Variants in SDK1 observed in about 807,000 individuals in gnomAD.
The protein encoded by SDK1 is sidekick cell adhesion molecule 1, also known as protein sidekick-1.
A neutral mutation model predicts 245.5 loss-of-function variants in SDK1; 157 were observed. That is an observed-to-expected ratio of 0.64 (90% CI 0.56 to 0.73). The LOEUF (loss-of-function observed/expected upper bound fraction) is 0.73. SDK1 is among the 30% of genes least tolerant of loss of function. The pLI, the probability that SDK1 is intolerant of heterozygous loss-of-function variation, is 0.00. For synonymous variants in SDK1, 1,647 were observed against 1,278.5 expected (o/e 1.29, Z -6.15); for missense variants, 3,583 against 3,002.3 (o/e 1.19, Z -4.52).
intron 9 of SDK1, among the ~76,000 whole-genome samples, chr7:3,964,300 G>A (rs575833095): frequency 6.6e-6 from 1 of 152,254 alleles, no homozygotes; most frequent in East Asian, 1.9e-4. Context: ...TCACTCCCCG[G>A]CCCTAGTACC....
chr7:3,749,157 G>A lies in SDK1; in HGVS notation c.714-72293G>A, dbSNP rs924737514. 6.6e-5 allele frequency among the ~76,000 whole-genome samples: 10 copies of A among 151,766 alleles called. No homozygotes were observed. In the South Asian group the frequency reaches 2.1e-3, roughly 32 times the overall value. On this transcript the variant is annotated intron_variant, in intron 4 of 44. Transcript: ENST00000404826. ...ATCACCTCTTTTTTTTTTCTTTTGA[G>A]AGGGAGTCTCGCTCTGTCACCTAGG...
intron 17 of SDK1, among the ~76,000 whole-genome samples, chr7:4,023,402 G>T (rs569210701): frequency 1.3e-5 from 2 of 152,194 alleles, no homozygotes; most frequent in African/African-American, 4.8e-5. Context: ...TTTCTGAGGG[G>T]TGAGAGGAAA....
At chr7:3,989,745 C>A (rs1394320031) in intron 14 of SDK1, among the ~76,000 whole-genome samples, 1 of 152,168 alleles carries the variant, frequency 6.6e-6, no homozygotes, top group African/African-American at 2.4e-5. Context: ...TGTACACGCC[C>A]CCAGCAATTA....
intron 17 of SDK1, among the ~76,000 whole-genome samples, chr7:4,019,350 T>A (rs1786681480): frequency 1.3e-5 from 2 of 152,134 alleles, no homozygotes; most frequent in South Asian, 4.1e-4. Flanking sequence ...GTTCTCTGAG[T>A]GACATCAGCT....
intron 1 of SDK1, among the ~76,000 whole-genome samples, chr7:3,325,269 T>G (rs945194922): frequency 1.3e-5 from 2 of 152,146 alleles, no homozygotes; most frequent in Non-Finnish European, 2.9e-5. Context: ...TTTTCCTAAT[T>G]GCATGTTTTA....
At chr7:3,633,002 C>T (rs1003009588) in intron 2 of SDK1, among the ~76,000 whole-genome samples, 3 of 152,026 alleles carry the variant, frequency 2.0e-5, no homozygotes, top group Admixed American at 6.6e-5. Flanking sequence ...TTTATCATGC[C>T]ATTCCAAAAA....
intron 20 of SDK1, among the ~76,000 whole-genome samples, chr7:4,071,491 G>GC (rs1191265572): frequency 2.6e-5 from 4 of 152,182 alleles, no homozygotes; most frequent in African/African-American, 9.6e-5. Context: ...TCTGAGAATC[G>GC]CAAGTGCTGA....
intron 5 of SDK1, among the ~76,000 whole-genome samples, chr7:3,942,960 G>C (rs1055733005): frequency 1.3e-5 from 2 of 152,148 alleles, no homozygotes; most frequent in African/African-American, 2.4e-5. Flanking sequence ...TGACCTCATT[G>C]TTTTCTGGTG....
At chr7:3,688,599 T>C (rs1435081420) in intron 4 of SDK1, among the ~76,000 whole-genome samples, 1 of 152,242 alleles carries the variant, frequency 6.6e-6, no homozygotes, top group East Asian at 1.9e-4. Flanking sequence ...CGTCTTTGTT[T>C]CTAACAGCAT....
At chr7:3,837,805 G>A (rs2115083120) in intron 5 of SDK1, among the ~76,000 whole-genome samples, 1 of 152,316 alleles carries the variant, frequency 6.6e-6, no homozygotes, top group South Asian at 2.1e-4. Flanking sequence ...GTAACCTCAT[G>A]TGGCTGGATG....
At chr7:3,379,537 G>A (rs1441658152) in intron 1 of SDK1, among the ~76,000 whole-genome samples, 2 of 152,136 alleles carry the variant, frequency 1.3e-5, no homozygotes, top group African/African-American at 4.8e-5. Flanking sequence ...AACGGGGTCT[G>A]CCAGCATCAC....
chr7:3,593,029 T>C (rs944786342), intron 1 of SDK1, among the ~76,000 whole-genome samples: 2 of 152,036 alleles, frequency 1.3e-5, no homozygotes, highest in Non-Finnish European at 2.9e-5. Context: ...ACAAAACGAG[T>C]GTTGCAAGTG....
At chr7:3,848,899 T>A (rs1780348369) in intron 5 of SDK1, among the ~76,000 whole-genome samples, 1 of 152,144 alleles carries the variant, frequency 6.6e-6, no homozygotes, top group East Asian at 1.9e-4. Context: ...CTCGAACTCC[T>A]GACCTTATGA....
chr7:3,782,279 C>T (rs917298622), intron 4 of SDK1, among the ~76,000 whole-genome samples: 4 of 152,186 alleles, frequency 2.6e-5, no homozygotes, highest in African/African-American at 9.7e-5. Context: ...AAAAGGTCTC[C>T]AACTCCTTCT....
chr7:3,944,706 T>C (rs185934018), intron 5 of SDK1, among the ~76,000 whole-genome samples: 1 of 152,262 alleles, frequency 6.6e-6, no homozygotes, highest in East Asian at 1.9e-4. Flanking sequence ...CTCTTCTTGC[T>C]TACAAAAGGA....
At chr7:4,217,571 C>T (rs111728729) in intron 38 of SDK1, among the ~76,000 whole-genome samples, 195 of 94,532 alleles carry the variant, frequency 2.1e-3, no homozygotes, top group Middle Eastern at 6.6e-3. Context: ...CCACACCACC[C>T]GGAGCACCAC....
At chr7:4,223,921 T>C (rs1785272383) in intron 40 of SDK1, among the ~76,000 whole-genome samples, 2 of 152,242 alleles carry the variant, frequency 1.3e-5, no homozygotes, top group Non-Finnish European at 2.9e-5. Flanking sequence ...CAGTCATTTG[T>C]AGACTCTCTG....
chr7:3,767,536 A>G (rs1780288149), intron 4 of SDK1, among the ~76,000 whole-genome samples: 1 of 152,188 alleles, frequency 6.6e-6, no homozygotes, highest in Admixed American at 6.5e-5. Flanking sequence ...GCTAACACTT[A>G]CATAGGCTTA....
chr7:3,975,227 G>C (rs1190524717), intron 13 of SDK1, among the ~76,000 whole-genome samples: 1 of 152,108 alleles, frequency 6.6e-6, no homozygotes, highest in Non-Finnish European at 1.5e-5. Context: ...GTATTTATTT[G>C]CTTTTTAAAA....
Sources: gnomAD v4.1 joint callset for allele counts (sites outside exome capture counted in the v4.1 genomes callset) on GRCh38, gnomAD v4.1.1 for gene constraint, MANE v1.5 for transcripts, NCBI Gene and HGNC (gene_info 2026-07-23, HGNC 2026-07-21) for gene names.